Variants in BIRC6 observed in about 807,000 individuals in gnomAD.
BIRC6 encodes dual E2 ubiquitin-conjugating enzyme/E3 ubiquitin-protein ligase BIRC6.
BIRC6 carries 98 observed loss-of-function variants against 503.3 expected under a neutral mutation model. The observed-to-expected ratio is 0.19, with a 90% CI of 0.17 to 0.23. The LOEUF is 0.23. Among genes scored for constraint, BIRC6 ranks in the 10% least tolerant of loss-of-function variants. BIRC6 has a pLI of 1.00. For missense variants in BIRC6, 5,360 were observed against 5,806.0 expected, an observed-to-expected ratio of 0.92 and a Z score of 2.50; for synonymous variants, 2,240 against 2,078.7, an observed-to-expected ratio of 1.08 and a Z score of -2.11.
chr2:32,384,546 A>C (rs1462400343), intron 3 of BIRC6, among the ~76,000 whole-genome samples: 3 of 152,220 alleles, frequency 2.0e-5, no homozygotes, highest in Non-Finnish European at 2.9e-5. Context: ...GTTATGTTGA[A>C]GACAAATTGC....
At chr2:32,366,395 T>G (rs757943940) in intron 1 of BIRC6, among the ~76,000 whole-genome samples, 6 of 152,210 alleles carry the variant, frequency 3.9e-5, no homozygotes, top group Non-Finnish European at 5.9e-5. Context: ...AATACCTTCT[T>G]TATTCCTTTA....
At chr2:32,442,276 A>G in intron 18 of BIRC6, 48 bp from the exon 19 acceptor site, 2 of 1,606,898 alleles carry the variant, frequency 1.2e-6, no homozygotes, top group Non-Finnish European at 1.7e-6. Context: ...TTTAGATGTT[A>G]TGATTGAAAG....
chr2:32,362,624 T>C (rs537892884), intron 1 of BIRC6, among the ~76,000 whole-genome samples: 43 of 152,196 alleles, frequency 2.8e-4, no homozygotes, highest in African/African-American at 9.4e-4. Flanking sequence ...AGCCTGACTT[T>C]GGGTTTTAAA....
chr2:32,581,091 G>T (rs988846229), intron 66 of BIRC6, among the ~76,000 whole-genome samples: 3 of 152,186 alleles, frequency 2.0e-5, no homozygotes, highest in Non-Finnish European at 4.4e-5. Context: ...AGAAAGCTAT[G>T]ATCCGTCGAT....
intron 61 of BIRC6, chr2:32,532,373 G>A (rs2056854768): frequency 2.4e-6 from 1 of 409,404 alleles, no homozygotes; most frequent in Admixed American, 3.7e-5. Context: ...CTTCTTCCTG[G>A]CTTCTATTGG....
In BIRC6 at chr2:32,499,453, C is replaced by T. The variant is rs1296580745; in HGVS notation, c.8469-94C>T. ...TTGTATTGTGATAAGTTACTACTTT[C>T]AGAACTACTTAAAATCGTTTAATTT... On this transcript the variant is annotated intron_variant, in intron 45 of 73. Transcript: ENST00000421745. 5 of 1,139,432 alleles carry T rather than the reference C, an allele frequency of 4.4e-6. No individual in the cohort carries two copies. In the East Asian group the frequency reaches 1.3e-4, roughly 30 times the overall value. The allele number at this position is 1,139,432 out of a possible 1,614,324, so 70.6% of individuals were successfully genotyped here.
intron 47 of BIRC6, among the ~76,000 whole-genome samples, chr2:32,502,505 A>C (rs1443173855): frequency 6.6e-6 from 1 of 152,202 alleles, no homozygotes; most frequent in Non-Finnish European, 1.5e-5. Flanking sequence ...TAGAAAATAC[A>C]AAGGTACTTT....
chr2:32,530,931 T>G (rs778375408), intron 60 of BIRC6, among the ~76,000 whole-genome samples: 7 of 152,248 alleles, frequency 4.6e-5, no homozygotes, highest in Non-Finnish European at 1.0e-4. Context: ...TTAATTTTTC[T>G]TAATAGGATA....
intron 49 of BIRC6, among the ~76,000 whole-genome samples, chr2:32,504,682 A>C (rs2053601742): frequency 6.6e-6 from 1 of 151,804 alleles, no homozygotes; most frequent in South Asian, 2.1e-4. Context: ...TAAATAAATA[A>C]ATAAATAAAT....
chr2:32,583,112 C>T (rs2060793587), intron 66 of BIRC6, among the ~76,000 whole-genome samples: 2 of 152,188 alleles, frequency 1.3e-5, no homozygotes, highest in Non-Finnish European at 2.9e-5. Flanking sequence ...GCGCACTGCT[C>T]AAGGAATGAG....
chr2:32,376,702 A>G (rs1396296715), intron 1 of BIRC6, among the ~76,000 whole-genome samples: 1 of 152,194 alleles, frequency 6.6e-6, no homozygotes, highest in African/African-American at 2.4e-5. Context: ...ATGCTGTTCA[A>G]ACTTGTATGG....
At chr2:32,432,739 GAC>G (rs1195159068) in intron 12 of BIRC6, among the ~76,000 whole-genome samples, 1 of 149,438 alleles carries the variant, frequency 6.7e-6, no homozygotes, top group Non-Finnish European at 1.5e-5. Flanking sequence ...TGGCCTGGGT[GAC>G]AGAGTGAGAC....
intron 3 of BIRC6, among the ~76,000 whole-genome samples, chr2:32,382,637 C>T (rs1472242728): frequency 6.6e-6 from 1 of 152,224 alleles, no homozygotes; most frequent in Non-Finnish European, 1.5e-5. Context: ...ATTAACTGCA[C>T]AGTCTACCCC....
At chr2:32,582,844 C>T (rs2060773907) in intron 66 of BIRC6, among the ~76,000 whole-genome samples, 1 of 152,224 alleles carries the variant, frequency 6.6e-6, no homozygotes, top group African/African-American at 2.4e-5. Context: ...TCTTTTATGT[C>T]TTGTAGTTCT....
intron 4 of BIRC6, 147 bp from the exon 5 acceptor site, chr2:32,391,892 A>G (rs2039280114): frequency 5.4e-6 from 3 of 553,428 alleles, no homozygotes; most frequent in Non-Finnish European, 3.1e-6. Context: ...TACCGTTTTT[A>G]GTTTAAAGTA....
intron 6 of BIRC6, among the ~76,000 whole-genome samples, chr2:32,399,580 G>C (rs945374156): frequency 6.6e-5 from 10 of 151,934 alleles, no homozygotes; most frequent in African/African-American, 2.2e-4. Flanking sequence ...TTTGGTAGCA[G>C]GATCCTGACA....
At chr2:32,502,604 T>C (rs528886336) in intron 47 of BIRC6, among the ~76,000 whole-genome samples, 191 bp from the exon 48 acceptor site, 1 of 152,300 alleles carries the variant, frequency 6.6e-6, no homozygotes, top group East Asian at 1.9e-4. Context: ...TTTAAAAAAT[T>C]CTCTGAGTTC....
intron 10 of BIRC6, among the ~76,000 whole-genome samples, chr2:32,426,023 C>T (rs1351412936): frequency 6.6e-6 from 1 of 152,166 alleles, no homozygotes; most frequent in African/African-American, 2.4e-5. Context: ...CCTGTTAGGT[C>T]CCATAGTTCT....
At chr2:32,370,357 G>T (rs951034548) in intron 1 of BIRC6, among the ~76,000 whole-genome samples, 1 of 152,152 alleles carries the variant, frequency 6.6e-6, no homozygotes, top group Non-Finnish European at 1.5e-5. Flanking sequence ...TGAATGAAGA[G>T]AATCATAACT....
Sources: gnomAD v4.1 joint callset for allele counts (sites outside exome capture counted in the v4.1 genomes callset) on GRCh38, gnomAD v4.1.1 for gene constraint, MANE v1.5 for transcripts, NCBI Gene and HGNC (gene_info 2026-07-23, HGNC 2026-07-21) for gene names.